XPO4: variants seen among roughly 807,000 people sequenced by gnomAD.
XPO4 encodes the protein exportin-4.
A neutral mutation model predicts 143.0 loss-of-function variants in XPO4; 39 were observed. That is an observed-to-expected ratio of 0.27 (90% confidence interval 0.21 to 0.36). The LOEUF is 0.36. Among genes scored for constraint, XPO4 ranks in the 10% least tolerant of loss-of-function variants. The pLI, the probability that XPO4 is intolerant of heterozygous loss-of-function variation, is 1.00. For synonymous variants in XPO4, 439 were observed against 474.0 expected (o/e 0.93, Z 0.96); for missense variants, 907 against 1,348.0 (o/e 0.67, Z 5.12).
intron 1 of XPO4, among the ~76,000 whole-genome samples, chr13:20,882,383 C>CAT (rs530620714): frequency 4.6e-5 from 7 of 152,060 alleles, no homozygotes; most frequent in Non-Finnish European, 7.4e-5. Context: ...GGAGAGCCAG[C>CAT]ATATCATATG....
intron 10 of XPO4, among the ~76,000 whole-genome samples, chr13:20,809,478 C>A (rs992520578): frequency 3.9e-5 from 6 of 152,220 alleles, no homozygotes; most frequent in African/African-American, 1.4e-4. Flanking sequence ...ACACAACTAA[C>A]TGCACACCCA....
intron 7 of XPO4, among the ~76,000 whole-genome samples, chr13:20,825,393 A>G (rs748416395): frequency 2.6e-5 from 4 of 152,258 alleles, no homozygotes; most frequent in Non-Finnish European, 5.9e-5. Context: ...AAATTTAACC[A>G]AAGTTAAATA....
At chr13:20,855,040 T>C (rs2060128640) in intron 4 of XPO4, among the ~76,000 whole-genome samples, 1 of 152,226 alleles carries the variant, frequency 6.6e-6, no homozygotes, top group Admixed American at 6.5e-5. Flanking sequence ...TATTATGGCA[T>C]ATTAACTTAT....
chr13:20,859,861 T>C, intron 3 of XPO4: 3 of 979,348 alleles, frequency 3.1e-6, no homozygotes, highest in Non-Finnish European at 3.6e-6. Context: ...GCCAGACACA[T>C]ATACATAATG....
chr13:20,793,163 T>C (rs1263335643), intron 18 of XPO4, among the ~76,000 whole-genome samples: 1 of 152,228 alleles, frequency 6.6e-6, no homozygotes, highest in African/African-American at 2.4e-5. Flanking sequence ...ATATTTTGTT[T>C]CAGCTATTAT....
Position 20,828,756 on chromosome 13 carries a change from CA to C in XPO4, c.728-1578del, listed in dbSNP as rs2059817791. 2.6e-5 allele frequency among the ~76,000 whole-genome samples: 4 copies of C among 152,022 alleles called. No homozygotes were observed. In the South Asian group the frequency reaches 8.3e-4, roughly 32 times the overall value. ...GGAAAGAGGTGAAGGCCAAAAAAGC[CA>C]AAAGAAAGAAGCCCGAATTTAAAAA... On this transcript the variant is annotated intron_variant, in intron 6 of 22. Transcript: ENST00000255305.
At chr13:20,884,276 A>T (rs74370989) in intron 1 of XPO4, among the ~76,000 whole-genome samples, 3,209 of 152,286 alleles carry the variant, frequency 0.021, 90 homozygotes, top group Middle Eastern at 0.075. Context: ...GCTATTCAGG[A>T]GGCTGAAGCA....
intron 13 of XPO4, among the ~76,000 whole-genome samples, chr13:20,805,247 C>T (rs1242545099): frequency 6.6e-6 from 1 of 152,124 alleles, no homozygotes; most frequent in African/African-American, 2.4e-5. Context: ...GCCCAGCCTC[C>T]ATCATTTACT....
At chr13:20,785,689 T>C (rs1205278670) in intron 22 of XPO4, among the ~76,000 whole-genome samples, 1 of 147,460 alleles carries the variant, frequency 6.8e-6, no homozygotes, top group Non-Finnish European at 1.5e-5. Context: ...AAAAGCGAGA[T>C]AGTAGAGCCT....
At chr13:20,840,270 T>C (rs1243216540) in intron 6 of XPO4, among the ~76,000 whole-genome samples, 3 of 152,072 alleles carry the variant, frequency 2.0e-5, no homozygotes, top group Non-Finnish European at 4.4e-5. Flanking sequence ...TGCAGTGGCA[T>C]GATCATGGCT....
intron 13 of XPO4, among the ~76,000 whole-genome samples, chr13:20,801,853 CA>C (rs2059438214): frequency 6.6e-6 from 1 of 152,150 alleles, no homozygotes; most frequent in African/African-American, 2.4e-5. Flanking sequence ...ATCATGAAAT[CA>C]TACACACGTG....
chr13:20,892,713 G>A (rs867774307), intron 1 of XPO4, among the ~76,000 whole-genome samples: 32 of 151,684 alleles, frequency 2.1e-4, no homozygotes, highest in African/African-American at 5.8e-4. Context: ...GCAAGATTTC[G>A]TCTCTACAAA....
chr13:20,851,711 C>CAAAAAAAAAAAAA (rs11340357), intron 4 of XPO4: 2 of 681,860 alleles, frequency 2.9e-6, no homozygotes, highest in African/African-American at 2.6e-5. Context: ...CCCGGTCTCA[C>CAAAAAAAAAAAAA]AAAAAAAAAA....
chr13:20,873,399 G>C (rs1381100835), intron 1 of XPO4, among the ~76,000 whole-genome samples: 1 of 152,120 alleles, frequency 6.6e-6, no homozygotes, highest in Non-Finnish European at 1.5e-5. Context: ...GTATTTTTCA[G>C]GGCTGACTAT....
At chr13:20,854,358 T>C (rs1310165175) in intron 4 of XPO4, among the ~76,000 whole-genome samples, 1 of 152,090 alleles carries the variant, frequency 6.6e-6, no homozygotes, top group Non-Finnish European at 1.5e-5. Context: ...AGATCCAAGA[T>C]ATTGTGGAAA....
intron 2 of XPO4, among the ~76,000 whole-genome samples, chr13:20,866,685 C>T (rs191078577): frequency 6.6e-6 from 1 of 152,116 alleles, no homozygotes; most frequent in South Asian, 2.1e-4. Context: ...GTCTCAAAAC[C>T]CAAACTCATT....
intron 4 of XPO4, among the ~76,000 whole-genome samples, chr13:20,844,875 A>G (rs996040856): frequency 6.6e-6 from 1 of 152,230 alleles, no homozygotes; most frequent in African/African-American, 2.4e-5. Flanking sequence ...TTTTTCTTTA[A>G]AAAATGTAAA....
intron 6 of XPO4, among the ~76,000 whole-genome samples, chr13:20,841,576 A>G (rs1162238022): frequency 6.6e-6 from 1 of 152,146 alleles, no homozygotes; most frequent in Admixed American, 6.6e-5. Flanking sequence ...GCTTTGCCCC[A>G]TAATGCAGCA....
intron 19 of XPO4, among the ~76,000 whole-genome samples, chr13:20,789,566 T>TTTTG (rs1555330240): frequency 6.6e-6 from 1 of 150,494 alleles, no homozygotes; most frequent in African/African-American, 2.5e-5. Flanking sequence ...GGCTTTTTTT[T>TTTTG]TGTGTGTGTG....
Sources: allele counts gnomAD v4.1 joint callset (sites outside exome capture counted in the v4.1 genomes callset), GRCh38; gene constraint gnomAD v4.1.1; transcripts MANE v1.5; gene names NCBI Gene and HGNC (gene_info 2026-07-23, HGNC 2026-07-21).